GALNT2: variants seen among roughly 807,000 people sequenced by gnomAD.
The protein encoded by GALNT2 is UDP-GalNAc:polypeptide N-acetylgalactosaminyltransferase 2.
In GALNT2, 31 loss-of-function variants were observed where a neutral mutation model predicts 81.4. The observed-to-expected ratio is 0.38, with a 90% CI of 0.29 to 0.51. GALNT2 has a LOEUF of 0.51. GALNT2 is among the 20% of genes least tolerant of loss of function. The probability of loss-of-function intolerance (pLI) is 0.87; values close to 1 mark genes in which losing one functional copy is unlikely to be tolerated. For missense variants in GALNT2, 629 were observed against 765.7 expected, an observed-to-expected ratio of 0.82 and a Z score of 2.11; for synonymous variants, 303 against 287.4, an observed-to-expected ratio of 1.05 and a Z score of -0.55.
At chr1:230,200,929 C>T (rs1213727099) in intron 2 of GALNT2, among the ~76,000 whole-genome samples, 3 of 152,142 alleles carry the variant, frequency 2.0e-5, no homozygotes, top group East Asian at 1.9e-4. Context: ...GGAATTCTGC[C>T]GTAGGTGCTG....
At chr1:230,163,899 GGTCA>G (rs1289845932) in intron 1 of GALNT2, among the ~76,000 whole-genome samples, 1 of 152,168 alleles carries the variant, frequency 6.6e-6, no homozygotes, top group Non-Finnish European at 1.5e-5. Context: ...ATGGACACGG[GGTCA>G]GTCTGTCTGT....
At chr1:230,107,245 C>A (rs543426509) in intron 1 of GALNT2, among the ~76,000 whole-genome samples, 2 of 152,342 alleles carry the variant, frequency 1.3e-5, no homozygotes, top group East Asian at 3.9e-4. Flanking sequence ...CAGCCACTTA[C>A]ACAGACTGGG....
intron 3 of GALNT2, among the ~76,000 whole-genome samples, chr1:230,209,079 T>C (rs1386328891): frequency 6.6e-6 from 1 of 152,112 alleles, no homozygotes; most frequent in Non-Finnish European, 1.5e-5. Flanking sequence ...TTTTTTGTTT[T>C]TTCTGTTATT....
At chr1:230,206,713 G>C (rs556622935) in intron 3 of GALNT2, among the ~76,000 whole-genome samples, 1 of 152,276 alleles carries the variant, frequency 6.6e-6, no homozygotes, top group East Asian at 1.9e-4. Flanking sequence ...TCAGTCTTTA[G>C]TTTTGATAAA....
At chr1:230,202,211 T>G (rs1663913592) in intron 2 of GALNT2, among the ~76,000 whole-genome samples, 1 of 152,200 alleles carries the variant, frequency 6.6e-6, no homozygotes, top group Non-Finnish European at 1.5e-5. Flanking sequence ...TCATAAATGT[T>G]CTCCTTGCTT....
chr1:230,072,394 G>C (rs545931921), intron 1 of GALNT2, among the ~76,000 whole-genome samples: 111 of 152,136 alleles, frequency 7.3e-4, no homozygotes, highest in African/African-American at 2.6e-3. Flanking sequence ...GAGGCTGCCT[G>C]GGACAGAGAC....
intron 2 of GALNT2, among the ~76,000 whole-genome samples, chr1:230,189,583 C>T (rs1205901677): frequency 6.6e-6 from 1 of 152,146 alleles, no homozygotes; most frequent in African/African-American, 2.4e-5. Context: ...GAGTGTTCCC[C>T]GACCCTTTGT....
chr1:230,113,955 A>G (rs1660772624), intron 1 of GALNT2, among the ~76,000 whole-genome samples: 1 of 151,876 alleles, frequency 6.6e-6, no homozygotes, highest in Non-Finnish European at 1.5e-5. Context: ...CATCTGACTC[A>G]CGGGGTGAGG....
chr1:230,091,154 C>T (rs184400438), intron 1 of GALNT2, among the ~76,000 whole-genome samples: 4 of 151,998 alleles, frequency 2.6e-5, no homozygotes, highest in South Asian at 2.1e-4. Context: ...CTGCAGCCTC[C>T]GCCTCCTGGG....
At chr1:230,120,663 G>T (rs1660988740) in intron 1 of GALNT2, among the ~76,000 whole-genome samples, 1 of 152,164 alleles carries the variant, frequency 6.6e-6, no homozygotes, top group Non-Finnish European at 1.5e-5. Context: ...GCTCCCCAGG[G>T]CTGGTCACCC....
chr1:230,107,988 G>T (rs149307117), intron 1 of GALNT2, among the ~76,000 whole-genome samples: 1 of 152,138 alleles, frequency 6.6e-6, no homozygotes, highest in Non-Finnish European at 1.5e-5. Context: ...TGTTACCTGC[G>T]TGCATCATAA....
intron 15 of GALNT2, among the ~76,000 whole-genome samples, chr1:230,276,847 C>T (rs1044667569): frequency 6.6e-6 from 1 of 152,158 alleles, no homozygotes. Flanking sequence ...CTCATTGGCC[C>T]CTCGAGAGGA....
intron 1 of GALNT2, among the ~76,000 whole-genome samples, chr1:230,107,644 G>GTGTGTGTGTGTGTGTGTGT (rs1553256987): frequency 2.0e-5 from 3 of 147,684 alleles, no homozygotes; most frequent in Non-Finnish European, 3.0e-5. Context: ...GTGTGTGTGT[G>GTGTGTGTGTGTGTGTGTGT]GTTGGTTGGT....
At chr1:230,085,679 A>G (rs900653856) in intron 1 of GALNT2, among the ~76,000 whole-genome samples, 1 of 152,220 alleles carries the variant, frequency 6.6e-6, no homozygotes, top group African/African-American at 2.4e-5. Flanking sequence ...GTGATTGTCT[A>G]GGTTGAAGTC....
upstream of GALNT2, among the ~76,000 whole-genome samples, chr1:230,064,758 C>T (rs1437452945): frequency 1.3e-5 from 2 of 152,194 alleles, no homozygotes; most frequent in Non-Finnish European, 2.9e-5. Flanking sequence ...GTGATCCACC[C>T]ACTCTGGCCT....
At chr1:230,278,376 C>T (rs1024588481) in intron 15 of GALNT2, among the ~76,000 whole-genome samples, 1 of 152,066 alleles carries the variant, frequency 6.6e-6, no homozygotes, top group African/African-American at 2.4e-5. Context: ...CTTCCTGCCT[C>T]GGCCTCCCAA....
intron 1 of GALNT2, among the ~76,000 whole-genome samples, chr1:230,105,401 T>C (rs1007857624): frequency 1.1e-4 from 17 of 151,236 alleles, no homozygotes; most frequent in Non-Finnish European, 1.9e-4. Context: ...AATGCACATT[T>C]CCCCCGCCTC....
intron 2 of GALNT2, among the ~76,000 whole-genome samples, chr1:230,181,231 T>G (rs1411481373): frequency 6.6e-6 from 1 of 152,162 alleles, no homozygotes; most frequent in Non-Finnish European, 1.5e-5. Flanking sequence ...AGCTGCAGGA[T>G]TTTTGTAGGT....
At chr1:230,267,656 C>T (rs886410580) in intron 14 of GALNT2, among the ~76,000 whole-genome samples, 8 of 152,216 alleles carry the variant, frequency 5.3e-5, no homozygotes, top group Admixed American at 5.2e-4. Context: ...CAGGCCCCAC[C>T]CGTGTCAGGA....
Sources: allele counts gnomAD v4.1 joint callset (sites outside exome capture counted in the v4.1 genomes callset), GRCh38; gene constraint gnomAD v4.1.1; transcripts MANE v1.5; gene names NCBI Gene and HGNC (gene_info 2026-07-23, HGNC 2026-07-21).